The following ATP9A variants were observed in gnomAD, a reference collection of about 807,000 sequenced individuals.
The protein encoded by ATP9A is ATPase phospholipid transporting 9A, also known as probable phospholipid-transporting ATPase IIA.
Under a neutral mutation model 144.1 loss-of-function variants are expected in ATP9A, and 52 were observed. That is an observed-to-expected ratio of 0.36 (90% CI 0.29 to 0.45). The LOEUF (loss-of-function observed/expected upper bound fraction) is 0.45. Ranked by LOEUF, ATP9A falls within the 20% of genes least tolerant of loss-of-function variation. The pLI is 1.00. For missense variants in ATP9A, 947 were observed against 1,392.7 expected (o/e 0.68, Z 5.09); for synonymous variants, 582 against 557.4 (o/e 1.04, Z -0.62).
intron 10 of ATP9A, among the ~76,000 whole-genome samples, chr20:51,675,245 T>A (rs1568815469): frequency 6.6e-6 from 1 of 152,216 alleles, no homozygotes; most frequent in Non-Finnish European, 1.5e-5. Context: ...GATTTTATAG[T>A]TGTAATGATG....
At chr20:51,759,606 G>A (rs944215982) in intron 1 of ATP9A, among the ~76,000 whole-genome samples, 1 of 152,148 alleles carries the variant, frequency 6.6e-6, no homozygotes, top group Non-Finnish European at 1.5e-5. Flanking sequence ...CTCAGAGGCA[G>A]AGGTTGCAGT....
intron 1 of ATP9A, among the ~76,000 whole-genome samples, chr20:51,741,815 C>A (rs11699782): frequency 0.03 from 4,528 of 152,266 alleles, 84 homozygotes; most frequent in Non-Finnish European, 0.046. Flanking sequence ...TCTGGAAACA[C>A]TGTTGTCTGT....
At position 51,599,304 on chromosome 20, in the gene ATP9A, G is replaced by C. The variant is rs1276447302; in HGVS notation, c.*1907C>G. ...AATGGGACTATCTTAAGACTTGCCA[G>C]TGTTACAGACTGATTTCCAAGAAAA... On this transcript the variant is annotated 3_prime_UTR_variant, in exon 28 of 28. Transcript: ENST00000338821. The C allele has an allele frequency of 6.6e-6, 1 of 152,236 alleles. No individual in the cohort carries two copies. Among genetic ancestry groups the C allele is most frequent in the African/African-American group, 2.4e-5 (1 of 41,460 alleles). 9.4% of individuals were successfully genotyped at this position (152,236 alleles called of 1,614,324 possible). A position where few individuals can be genotyped will look rare whatever the true frequency, so the allele number is the denominator to read the frequency against.
chr20:51,744,452 G>A (rs527562188), intron 1 of ATP9A, among the ~76,000 whole-genome samples: 5 of 152,238 alleles, frequency 3.3e-5, no homozygotes, highest in Admixed American at 6.5e-5. Flanking sequence ...ATGAGCCACC[G>A]CGCCCAGCCT....
At chr20:51,689,623 C>G (rs996336021) in intron 8 of ATP9A, among the ~76,000 whole-genome samples, 2 of 151,324 alleles carry the variant, frequency 1.3e-5, no homozygotes, top group South Asian at 4.2e-4. Context: ...CTGCAACCTC[C>G]ACCTCCCAGG....
At chr20:51,688,937 C>T (rs765244706) in intron 9 of ATP9A, 127 bp downstream of exon 9, 65 of 1,044,028 alleles carry the variant, frequency 6.2e-5, no homozygotes, top group Non-Finnish European at 7.9e-5. Context: ...CTGGAGGTGT[C>T]GGAACAAGTG....
intron 1 of ATP9A, among the ~76,000 whole-genome samples, chr20:51,745,550 T>C (rs570840274): frequency 5.9e-5 from 9 of 152,250 alleles, no homozygotes; most frequent in African/African-American, 2.2e-4. Context: ...ATGTGTTTGA[T>C]TGTCACTACT....
At chr20:51,761,530 G>A (rs1601150730) in intron 1 of ATP9A, among the ~76,000 whole-genome samples, 4 of 152,280 alleles carry the variant, frequency 2.6e-5, no homozygotes. Flanking sequence ...GGGAGGCCAA[G>A]GCGGGCAGAT....
At chr20:51,762,705 CTTTTTTT>C (rs34209501) in intron 1 of ATP9A, among the ~76,000 whole-genome samples, 4 of 84,502 alleles carry the variant, frequency 4.7e-5, no homozygotes, top group Non-Finnish European at 6.3e-5. Context: ...CCACAAATGG[CTTTTTTT>C]TTTTTTTTTT....
chr20:51,697,610 G>T, intron 4 of ATP9A, 128 bp from the exon 5 acceptor site: 1 of 774,122 alleles, frequency 1.3e-6, no homozygotes, highest in Non-Finnish European at 2.1e-6. Context: ...ACAGCTGCCA[G>T]TGACTCCAGC....
At chr20:51,736,849 C>T (rs899674756) in intron 1 of ATP9A, among the ~76,000 whole-genome samples, 4 of 151,312 alleles carry the variant, frequency 2.6e-5, no homozygotes, top group South Asian at 2.1e-4. Flanking sequence ...ATAGAGCAGT[C>T]CAGACTAAGG....
In ATP9A at chr20:51,658,895, G is replaced by GGGGGGT. The variant is rs1555833857; in HGVS notation, c.1294-1746_1294-1745insACCCCC. Among the ~76,000 whole-genome samples the GGGGGGT allele has an allele frequency of 1.7e-4, 20 of 117,596 alleles. 1 individual carries two copies. Among genetic ancestry groups the GGGGGGT allele is most frequent in the African/African-American group, 6.6e-4 (19 of 28,812 alleles). The allele number at this position is 117,596 out of a possible 152,430, so 77.1% of individuals were successfully genotyped here. ...GAAAATTAAGACCACTGGCGGGGGGGGGGGGGGGAAGGCTCATTGTTGAAC... is the reference window on the plus strand; with the variant it reads ...GAAAATTAAGACCACTGGCGGGGGGGGGGGGTGGGGGGGGAAGGCTCATTGTTGAAC... On this transcript the variant is annotated intron_variant, in intron 13 of 27. Transcript: ENST00000338821.
chr20:51,649,844 C>T (rs1311682759), intron 14 of ATP9A, among the ~76,000 whole-genome samples: 1 of 146,016 alleles, frequency 6.8e-6, no homozygotes, highest in Non-Finnish European at 1.5e-5. Flanking sequence ...ACCTGGGAGG[C>T]GGAGGTTGAA....
chr20:51,707,024 T>C lies in ATP9A; in HGVS notation c.436+5942A>G, dbSNP rs116168820. ...CTTCGCCTAATTGGGAACAGCAAGC[T>C]GCTGTTGGAACCTGGGGTTCTGTAG... On this transcript the variant is annotated intron_variant, in intron 4 of 27. Coordinates refer to ENST00000338821, the MANE Select transcript of ATP9A (RefSeq NM_006045.3). Among the ~76,000 whole-genome samples, 554 of 152,278 alleles carry C rather than the reference T, an allele frequency of 3.6e-3. 3 individuals are homozygous for C. The highest frequency in any genetic ancestry group is 0.013 in the African/African-American group (524 of 41,560).
intron 1 of ATP9A, among the ~76,000 whole-genome samples, chr20:51,731,083 A>AGG (rs1461946506): frequency 1.3e-5 from 2 of 151,490 alleles, no homozygotes; most frequent in East Asian, 3.9e-4. Context: ...AGGCAGGCGG[A>AGG]TCATGAGGTC....
At chr20:51,733,626 G>C (rs1372889984) in intron 1 of ATP9A, among the ~76,000 whole-genome samples, 1 of 151,876 alleles carries the variant, frequency 6.6e-6, no homozygotes, top group Non-Finnish European at 1.5e-5. Context: ...GCCTGCCTTG[G>C]CCTCCCAAAG....
At chr20:51,637,601 G>C (rs1414071824) in intron 15 of ATP9A, among the ~76,000 whole-genome samples, 2 of 152,092 alleles carry the variant, frequency 1.3e-5, no homozygotes, top group African/African-American at 2.4e-5. Context: ...AAGTTCACAA[G>C]CCAAGCCTTA....
chr20:51,751,263 T>TG (rs1300140383), intron 1 of ATP9A, among the ~76,000 whole-genome samples: 3 of 130,826 alleles, frequency 2.3e-5, no homozygotes, highest in Non-Finnish European at 3.2e-5. Flanking sequence ...TTTTTTTTGT[T>TG]TTTTTTTTTT....
chr20:51,719,867 G>C (rs1223354215), intron 3 of ATP9A, among the ~76,000 whole-genome samples: 2 of 151,788 alleles, frequency 1.3e-5, no homozygotes, highest in East Asian at 3.9e-4. Flanking sequence ...GCCAAAAATG[G>C]TGAAACCCCC....
Sources: allele counts gnomAD v4.1 joint callset (sites outside exome capture counted in the v4.1 genomes callset), GRCh38; gene constraint gnomAD v4.1.1; transcripts MANE v1.5; gene names NCBI Gene and HGNC (gene_info 2026-07-23, HGNC 2026-07-21).